The following EHBP1 variants were observed in gnomAD, a reference collection of about 807,000 sequenced individuals.
The protein encoded by EHBP1 is EH domain binding protein 1, also known as EH domain-binding protein 1.
In EHBP1, 55 loss-of-function variants were observed where a neutral mutation model predicts 144.0. The observed-to-expected ratio is 0.38, with a 90% confidence interval of 0.31 to 0.48. The LOEUF is 0.48. EHBP1 is among the 20% of genes least tolerant of loss of function. The probability of loss-of-function intolerance (pLI) is 0.98; values close to 1 mark genes in which losing one functional copy is unlikely to be tolerated. For synonymous variants in EHBP1, 469 were observed against 472.7 expected, an observed-to-expected ratio of 0.99 and a Z score of 0.10; for missense variants, 1,200 against 1,364.2, an observed-to-expected ratio of 0.88 and a Z score of 1.90.
chr2:62,717,745 T>G (rs2035827392), intron 2 of EHBP1, among the ~76,000 whole-genome samples: 1 of 152,308 alleles, frequency 6.6e-6, no homozygotes, highest in African/African-American at 2.4e-5. Context: ...TTAACTTTAA[T>G]TATAACAAAC....
chr2:63,027,609 T>G (rs1478367832), intron 19 of EHBP1, among the ~76,000 whole-genome samples: 1 of 152,196 alleles, frequency 6.6e-6, no homozygotes, highest in Non-Finnish European at 1.5e-5. Context: ...CAAATGTGGG[T>G]GCGGACTGCA....
At chr2:62,887,518 G>A (rs1053042227) in intron 10 of EHBP1, among the ~76,000 whole-genome samples, 8 of 150,214 alleles carry the variant, frequency 5.3e-5, no homozygotes, top group Admixed American at 1.3e-4. Context: ...TGGGAGATTC[G>A]CTTGAGCCCA....
intron 3 of EHBP1, among the ~76,000 whole-genome samples, chr2:62,757,425 T>TC (rs2040386601): frequency 2.0e-5 from 3 of 149,656 alleles, no homozygotes; most frequent in African/African-American, 7.4e-5. Context: ...CTTTTTTTTT[T>TC]CTTTTTTTTT....
At chr2:62,872,741 A>C (rs548279025) in intron 9 of EHBP1, among the ~76,000 whole-genome samples, 4 of 152,234 alleles carry the variant, frequency 2.6e-5, no homozygotes, top group Admixed American at 2.6e-4. Context: ...ACCTATTAAC[A>C]TTTAGTCCCA....
At chr2:62,685,403 C>G (rs575146544) in intron 1 of EHBP1, among the ~76,000 whole-genome samples, 2 of 152,028 alleles carry the variant, frequency 1.3e-5, no homozygotes, top group African/African-American at 4.8e-5. Context: ...CTGTTTCATG[C>G]CCCTCCCCCA....
At chr2:62,817,111 G>A (rs2045506905) in intron 5 of EHBP1, among the ~76,000 whole-genome samples, 1 of 152,198 alleles carries the variant, frequency 6.6e-6, no homozygotes, top group Admixed American at 6.5e-5. Flanking sequence ...ATTCACTTAA[G>A]AAGTATTTAT....
chr2:62,732,143 G>A (rs965093196), intron 2 of EHBP1, among the ~76,000 whole-genome samples: 1 of 151,872 alleles, frequency 6.6e-6, no homozygotes, highest in Non-Finnish European at 1.5e-5. Context: ...TTTTCCTCTG[G>A]CTTCTTTCAA....
At chr2:63,011,130 G>A (rs2060248224) in intron 19 of EHBP1, among the ~76,000 whole-genome samples, 1 of 146,986 alleles carries the variant, frequency 6.8e-6, no homozygotes, top group African/African-American at 2.5e-5. Flanking sequence ...TCTGCCGGGT[G>A]GCCTCACTTG....
chr2:62,742,511 T>A (rs993565536), intron 2 of EHBP1, among the ~76,000 whole-genome samples: 1 of 152,116 alleles, frequency 6.6e-6, no homozygotes, highest in Non-Finnish European at 1.5e-5. Context: ...GAATTTTAAT[T>A]GATGTAGAAA....
intron 19 of EHBP1, among the ~76,000 whole-genome samples, chr2:63,000,177 G>A (rs1395522054): frequency 1.3e-5 from 2 of 152,120 alleles, no homozygotes; most frequent in Non-Finnish European, 2.9e-5. Flanking sequence ...GCCTTAGCAA[G>A]AAAGTAGGAA....
chr2:62,897,240 T>A (rs2053010523), intron 10 of EHBP1, among the ~76,000 whole-genome samples: 1 of 152,210 alleles, frequency 6.6e-6, no homozygotes. Flanking sequence ...AATTTTGCTC[T>A]TCTCATTTAA....
chr2:62,711,042 T>C (rs2035097404), intron 2 of EHBP1, among the ~76,000 whole-genome samples: 1 of 152,176 alleles, frequency 6.6e-6, no homozygotes, highest in Non-Finnish European at 1.5e-5. Flanking sequence ...TTGTGGGATA[T>C]GGACTGTCAT....
intron 8 of EHBP1, among the ~76,000 whole-genome samples, chr2:62,859,598 C>T (rs2049343577): frequency 6.6e-6 from 1 of 152,172 alleles, no homozygotes; most frequent in South Asian, 2.1e-4. Context: ...GAGGTAGCTT[C>T]TCTATATGGA....
At chr2:62,788,491 C>G (rs2042962528) in intron 5 of EHBP1, among the ~76,000 whole-genome samples, 1 of 151,884 alleles carries the variant, frequency 6.6e-6, no homozygotes, top group African/African-American at 2.4e-5. Flanking sequence ...AAAAAAAACC[C>G]TGTTGTTATT....
intron 2 of EHBP1, among the ~76,000 whole-genome samples, chr2:62,725,664 A>G (rs935863350): frequency 2.0e-5 from 3 of 152,108 alleles, no homozygotes; most frequent in Non-Finnish European, 2.9e-5. Flanking sequence ...CCATTGAAAT[A>G]TGGTTGGTGG....
At chr2:62,778,770 C>T (rs1487608970) in intron 5 of EHBP1, among the ~76,000 whole-genome samples, 1 of 152,108 alleles carries the variant, frequency 6.6e-6, no homozygotes, top group Non-Finnish European at 1.5e-5. Flanking sequence ...AAAATGAAGT[C>T]AATCTCTTGA....
chr2:62,862,391 C>T (rs1255896557), intron 8 of EHBP1, among the ~76,000 whole-genome samples: 3 of 151,930 alleles, frequency 2.0e-5, no homozygotes, highest in Non-Finnish European at 4.4e-5. Context: ...GGCAGATCAC[C>T]TGAGGTCAGG....
At chr2:62,817,067 C>T (rs1384008174) in intron 5 of EHBP1, among the ~76,000 whole-genome samples, 1 of 152,114 alleles carries the variant, frequency 6.6e-6, no homozygotes, top group Admixed American at 6.6e-5. Context: ...TGTAAAGGTA[C>T]TTCAAAGTGT....
intron 2 of EHBP1, among the ~76,000 whole-genome samples, chr2:62,708,065 G>T (rs1308144475): frequency 6.6e-6 from 1 of 152,076 alleles, no homozygotes; most frequent in Non-Finnish European, 1.5e-5. Flanking sequence ...TTGATTTACT[G>T]CAGTGATTAA....
Sources: gnomAD v4.1 joint callset for allele counts (sites outside exome capture counted in the v4.1 genomes callset) on GRCh38, gnomAD v4.1.1 for gene constraint, MANE v1.5 for transcripts, NCBI Gene and HGNC (gene_info 2026-07-23, HGNC 2026-07-21) for gene names.